The following CTNNA2 variants were observed in gnomAD, a reference collection of about 807,000 sequenced individuals.
CTNNA2 encodes the protein catenin alpha-2.
A neutral mutation model predicts 101.0 loss-of-function variants in CTNNA2; 42 were observed. That is an observed-to-expected ratio of 0.42 (90% CI 0.32 to 0.54). CTNNA2 has a LOEUF of 0.54. CTNNA2 is among the 20% of genes least tolerant of loss of function. CTNNA2 has a pLI of 0.14. For missense variants in CTNNA2, 871 were observed against 1,223.1 expected, an observed-to-expected ratio of 0.71 and a Z score of 4.29; for synonymous variants, 450 against 456.4, an observed-to-expected ratio of 0.99 and a Z score of 0.18.
chr2:79,569,427 G>A (rs562943117), intron 1 of CTNNA2, among the ~76,000 whole-genome samples: 2 of 152,232 alleles, frequency 1.3e-5, no homozygotes, highest in Admixed American at 1.3e-4. Flanking sequence ...GCAGAGAGGG[G>A]ACAGGTCATG....
At chr2:79,843,211 G>C (rs973396689) in intron 3 of CTNNA2, among the ~76,000 whole-genome samples, 9 of 152,204 alleles carry the variant, frequency 5.9e-5, no homozygotes, top group Non-Finnish European at 1.3e-4. Flanking sequence ...GTGGAAAGTT[G>C]ATGTGATGTG....
At chr2:80,349,945 T>C (rs1243688062) in intron 7 of CTNNA2, among the ~76,000 whole-genome samples, 2 of 152,194 alleles carry the variant, frequency 1.3e-5, no homozygotes, top group African/African-American at 4.8e-5. Flanking sequence ...AGGGGCTAAA[T>C]TGAAGCTGAT....
At chr2:80,068,907 T>C (rs1322199122) in intron 7 of CTNNA2, among the ~76,000 whole-genome samples, 1 of 152,196 alleles carries the variant, frequency 6.6e-6, no homozygotes, top group Non-Finnish European at 1.5e-5. Context: ...TGTTACATTT[T>C]CCTAATGGAA....
intron 2 of CTNNA2, among the ~76,000 whole-genome samples, chr2:79,727,308 A>G (rs1021176403): frequency 6.6e-6 from 1 of 152,198 alleles, no homozygotes; most frequent in African/African-American, 2.4e-5. Flanking sequence ...AAAGCATGGC[A>G]TGTGTTGAGG....
At chr2:79,466,354 T>A (rs1670935025) in intron 4 of CTNNA2, among the ~76,000 whole-genome samples, 1 of 151,842 alleles carries the variant, frequency 6.6e-6, no homozygotes, top group African/African-American at 2.4e-5. Context: ...ATTGCTGAGG[T>A]TTGAGTAGGT....
At chr2:79,844,274 A>G (rs1490987220) in intron 3 of CTNNA2, among the ~76,000 whole-genome samples, 1 of 152,228 alleles carries the variant, frequency 6.6e-6, no homozygotes, top group Non-Finnish European at 1.5e-5. Flanking sequence ...AGAATATCCA[A>G]AAAGTCTGAA....
At chr2:79,297,784 G>A (rs1441664519) in intron 2 of CTNNA2, among the ~76,000 whole-genome samples, 2 of 151,954 alleles carry the variant, frequency 1.3e-5, no homozygotes, top group Non-Finnish European at 2.9e-5. Flanking sequence ...TTGTCAAACT[G>A]CTTTAACTCT....
intron 3 of CTNNA2, among the ~76,000 whole-genome samples, chr2:79,771,092 T>C (rs1673537493): frequency 6.6e-6 from 1 of 152,234 alleles, no homozygotes; most frequent in Admixed American, 6.5e-5. Flanking sequence ...GTTTTGATTT[T>C]CCAAATCAAA....
At chr2:80,145,062 G>A (rs972176584) in intron 7 of CTNNA2, among the ~76,000 whole-genome samples, 39 of 152,218 alleles carry the variant, frequency 2.6e-4, no homozygotes, top group Middle Eastern at 3.4e-3. Flanking sequence ...TGTCAATCAC[G>A]GTTCTAGAAG....
intron 9 of CTNNA2, among the ~76,000 whole-genome samples, chr2:80,421,008 C>T (rs1457037593): frequency 6.6e-6 from 1 of 152,210 alleles, no homozygotes; most frequent in African/African-American, 2.4e-5. Context: ...ATTCCACCTA[C>T]ATGCTCGGAG....
chr2:80,358,248 G>A (rs545830114), intron 7 of CTNNA2, among the ~76,000 whole-genome samples: 32 of 151,108 alleles, frequency 2.1e-4, no homozygotes, highest in South Asian at 2.1e-4. Context: ...TTGCTTACTA[G>A]TATTTTAGGC....
At chr2:80,398,696 A>C (rs150494328) in intron 8 of CTNNA2, among the ~76,000 whole-genome samples, 4,276 of 136,524 alleles carry the variant, frequency 0.031, 73 homozygotes, top group Non-Finnish European at 0.044. Context: ...CTCTGCTAAA[A>C]ATACAAAAAA....
intron 7 of CTNNA2, among the ~76,000 whole-genome samples, chr2:80,241,098 T>C (rs773969739): frequency 3.9e-5 from 6 of 152,166 alleles, no homozygotes; most frequent in Non-Finnish European, 8.8e-5. Context: ...GACACCCACT[T>C]TGTCCTATTC....
chr2:80,439,870 T>G (rs1216249892), intron 9 of CTNNA2, among the ~76,000 whole-genome samples: 1 of 152,058 alleles, frequency 6.6e-6, no homozygotes, highest in Admixed American at 6.6e-5. Context: ...GAGTCTAGAG[T>G]CCAAATTAAC....
At chr2:80,060,619 C>T (rs998376622) in intron 7 of CTNNA2, among the ~76,000 whole-genome samples, 1 of 152,114 alleles carries the variant, frequency 6.6e-6, no homozygotes, top group South Asian at 2.1e-4. Flanking sequence ...ATTGTTTTCT[C>T]TCTTTTTCTC....
intron 4 of CTNNA2, among the ~76,000 whole-genome samples, chr2:79,408,290 T>TTTATTATTATTA (rs67079601): frequency 1.4e-5 from 2 of 147,766 alleles, no homozygotes; most frequent in African/African-American, 5.0e-5. Context: ...AAAGAATAAA[T>TTTATTATTATTA]TTATTATTAT....
At chr2:80,073,740 A>G (rs971776848) in intron 7 of CTNNA2, among the ~76,000 whole-genome samples, 2 of 134,850 alleles carry the variant, frequency 1.5e-5, no homozygotes, top group African/African-American at 5.4e-5. Flanking sequence ...TCACACACAC[A>G]CACACACACA....
intron 7 of CTNNA2, among the ~76,000 whole-genome samples, chr2:79,980,127 T>G (rs1362360218): frequency 6.6e-6 from 1 of 152,178 alleles, no homozygotes; most frequent in Non-Finnish European, 1.5e-5. Context: ...TCATCCTAAT[T>G]TCTTTTTCTT....
At chr2:79,646,283 C>T (rs929373395) in intron 1 of CTNNA2, among the ~76,000 whole-genome samples, 1 of 152,172 alleles carries the variant, frequency 6.6e-6, no homozygotes, top group African/African-American at 2.4e-5. Flanking sequence ...CTTATCAGGA[C>T]GCTGTCCAAG....
Sources: allele counts gnomAD v4.1 joint callset (sites outside exome capture counted in the v4.1 genomes callset), GRCh38; gene constraint gnomAD v4.1.1; transcripts MANE v1.5; gene names NCBI Gene and HGNC (gene_info 2026-07-23, HGNC 2026-07-21).